CDKAL1: variants seen among roughly 807,000 people sequenced by gnomAD.
CDKAL1 encodes threonylcarbamoyladenosine tRNA methylthiotransferase.
CDKAL1 carries 32 observed loss-of-function variants against 68.2 expected under a neutral mutation model. That is an observed-to-expected ratio of 0.47 (90% CI 0.35 to 0.63). CDKAL1 has a LOEUF of 0.63. CDKAL1 is among the 30% of genes least tolerant of loss of function. The probability of loss-of-function intolerance (pLI) is 0.00; values close to 1 mark genes in which losing one functional copy is unlikely to be tolerated. For missense variants in CDKAL1, 606 were observed against 696.7 expected (o/e 0.87, Z 1.47); for synonymous variants, 234 against 244.3 (o/e 0.96, Z 0.39).
chr6:21,095,288 G>C (rs1345659277), intron 12 of CDKAL1, among the ~76,000 whole-genome samples: 2 of 152,132 alleles, frequency 1.3e-5, no homozygotes, highest in East Asian at 1.9e-4. Flanking sequence ...CTGCAGGAAG[G>C]TCTATAAGTG....
intron 4 of CDKAL1, among the ~76,000 whole-genome samples, chr6:20,635,114 G>A (rs1220306415): frequency 1.3e-5 from 2 of 152,110 alleles, no homozygotes; most frequent in Non-Finnish European, 2.9e-5. Context: ...TGCTTATTAG[G>A]TCTCAAATCC....
rs547038337 is a variant in CDKAL1 at position 20,918,597 on chromosome 6, C to A, written c.743-36822C>A. ...AAAACATACACATTCTATGATTCTA[C>A]CTAGATGTAAGGACTGTACAATTTT... On this transcript the variant is annotated intron_variant, in intron 9 of 15. Coordinates refer to ENST00000274695, the MANE Select transcript of CDKAL1 (RefSeq NM_017774.3). 3.9e-5 allele frequency among the ~76,000 whole-genome samples: 6 copies of A among 152,258 alleles called. No homozygotes were observed. The South Asian group carries it at 1.2e-3, about 32-fold the overall frequency.
chr6:21,015,699 G>A (rs1349347459), intron 11 of CDKAL1, among the ~76,000 whole-genome samples: 2 of 152,104 alleles, frequency 1.3e-5, no homozygotes, highest in Non-Finnish European at 2.9e-5. Flanking sequence ...TGCTGAGGCA[G>A]GTGGATCACT....
chr6:20,919,731 T>G (rs746944195), intron 9 of CDKAL1, among the ~76,000 whole-genome samples: 11 of 152,202 alleles, frequency 7.2e-5, no homozygotes, highest in Non-Finnish European at 1.5e-4. Flanking sequence ...TTTTTTTGGC[T>G]GCCCAGCACC....
intron 9 of CDKAL1, among the ~76,000 whole-genome samples, chr6:20,927,717 T>G (rs928145009): frequency 6.6e-6 from 1 of 152,168 alleles, no homozygotes; most frequent in Admixed American, 6.6e-5. Flanking sequence ...TCTATTTGCC[T>G]TGGTAACTAA....
intron 9 of CDKAL1, among the ~76,000 whole-genome samples, chr6:20,935,976 A>G (rs1247390026): frequency 6.6e-6 from 1 of 152,140 alleles, no homozygotes; most frequent in Non-Finnish European, 1.5e-5. Flanking sequence ...TGATTTCTTC[A>G]CACTGCTGCA....
chr6:21,026,136 T>A (rs1208198698), intron 11 of CDKAL1, among the ~76,000 whole-genome samples: 1 of 152,164 alleles, frequency 6.6e-6, no homozygotes, highest in African/African-American at 2.4e-5. Flanking sequence ...TTTTCCTTTA[T>A]TTGAGGTGGA....
intron 15 of CDKAL1, among the ~76,000 whole-genome samples, chr6:21,215,579 G>T (rs1224834317): frequency 1.3e-5 from 2 of 152,130 alleles, no homozygotes; most frequent in Non-Finnish European, 2.9e-5. Context: ...ACAACTCAGT[G>T]TCTTGTTTTT....
chr6:20,832,133 A>C (rs1178548389), intron 8 of CDKAL1, among the ~76,000 whole-genome samples: 1 of 152,244 alleles, frequency 6.6e-6, no homozygotes, highest in African/African-American at 2.4e-5. Context: ...TCTCAAATTT[A>C]CTTTATGTCT....
intron 6 of CDKAL1, among the ~76,000 whole-genome samples, chr6:20,742,124 T>G (rs1303276728): frequency 6.6e-6 from 1 of 152,216 alleles, no homozygotes; most frequent in Admixed American, 6.5e-5. Context: ...GAAGTGTCTG[T>G]TCATGTCCTT....
chr6:21,080,415 T>G (rs929368789), intron 12 of CDKAL1, among the ~76,000 whole-genome samples: 1 of 152,224 alleles, frequency 6.6e-6, no homozygotes, highest in African/African-American at 2.4e-5. Context: ...TGTGGGCTGA[T>G]GCAGTACCTC....
chr6:20,603,138 A>G (rs1581800721), intron 4 of CDKAL1, among the ~76,000 whole-genome samples: 1 of 152,340 alleles, frequency 6.6e-6, no homozygotes, highest in South Asian at 2.1e-4. Context: ...AAGTACCAAT[A>G]AAAGAATCAC....
chr6:21,085,070 G>A (rs939247555), intron 12 of CDKAL1, among the ~76,000 whole-genome samples: 3 of 152,166 alleles, frequency 2.0e-5, no homozygotes, highest in Admixed American at 6.5e-5. Flanking sequence ...TACTGTGAAC[G>A]AGTTTAATTT....
At chr6:21,206,533 G>A (rs948026738) in intron 15 of CDKAL1, among the ~76,000 whole-genome samples, 2 of 152,188 alleles carry the variant, frequency 1.3e-5, no homozygotes, top group South Asian at 4.2e-4. Context: ...TGCCTGGTAC[G>A]AGATAGAAAA....
intron 5 of CDKAL1, among the ~76,000 whole-genome samples, chr6:20,703,963 A>G (rs1275579212): frequency 1.3e-5 from 2 of 152,216 alleles, no homozygotes; most frequent in African/African-American, 2.4e-5. Flanking sequence ...CAAATTAAAC[A>G]CTAATAAAAT....
intron 13 of CDKAL1, among the ~76,000 whole-genome samples, chr6:21,164,981 C>T (rs1231661382): frequency 2.6e-5 from 4 of 152,200 alleles, no homozygotes; most frequent in Admixed American, 6.5e-5. Flanking sequence ...CTGAAATGAA[C>T]GAATAGACAG....
At chr6:21,007,693 C>T (rs1221394857) in intron 11 of CDKAL1, among the ~76,000 whole-genome samples, 1 of 152,036 alleles carries the variant, frequency 6.6e-6, no homozygotes, top group African/African-American at 2.4e-5. Context: ...CATAATAAAA[C>T]AATTATCTAA....
intron 9 of CDKAL1, among the ~76,000 whole-genome samples, chr6:20,940,294 T>G (rs1054682708): frequency 6.6e-6 from 1 of 152,186 alleles, no homozygotes; most frequent in East Asian, 1.9e-4. Flanking sequence ...CAGTTTCTGT[T>G]GATTAATTAG....
chr6:20,885,679 T>C (rs2150569217), intron 9 of CDKAL1, among the ~76,000 whole-genome samples: 1 of 152,246 alleles, frequency 6.6e-6, no homozygotes, highest in Admixed American at 6.5e-5. Flanking sequence ...CTTTAAACTG[T>C]CATGTATCAA....
Sources: allele counts gnomAD v4.1 joint callset (sites outside exome capture counted in the v4.1 genomes callset), GRCh38; gene constraint gnomAD v4.1.1; transcripts MANE v1.5; gene names NCBI Gene and HGNC (gene_info 2026-07-23, HGNC 2026-07-21).